The following JCAD variants were observed in gnomAD, a reference collection of about 807,000 sequenced individuals.
The protein encoded by JCAD is junctional cadherin 5 associated.
In JCAD, 40 loss-of-function variants were observed where a neutral mutation model predicts 98.0. That is an observed-to-expected ratio of 0.41 (90% CI 0.32 to 0.53). The LOEUF (loss-of-function observed/expected upper bound fraction) is 0.53, where lower values mean the gene tolerates loss of function less well. Among genes scored for constraint, JCAD ranks in the 20% least tolerant of loss-of-function variants. The probability of loss-of-function intolerance (pLI) is 0.31; values close to 1 mark genes in which losing one functional copy is unlikely to be tolerated. For missense variants in JCAD, 1,705 were observed against 1,738.1 expected (o/e 0.98, Z 0.34); for synonymous variants, 691 against 682.3 (o/e 1.01, Z -0.20).
At chr10:30,065,715 G>T (rs1837773346) in intron 2 of JCAD, among the ~76,000 whole-genome samples, 1 of 151,972 alleles carries the variant, frequency 6.6e-6, no homozygotes, top group African/African-American at 2.4e-5. Context: ...TGCCCAGTCT[G>T]GTCTTGAACT....
chr10:30,092,127 A>ATATATATATATAT (rs1589715617), intron 1 of JCAD, among the ~76,000 whole-genome samples: 2 of 80,902 alleles, frequency 2.5e-5, no homozygotes, highest in Admixed American at 1.9e-4. Flanking sequence ...TATATATATA[A>ATATATATATATAT]AAAACATTTT....
At position 30,101,757 on chromosome 10, in the gene JCAD, T is replaced by C. The variant is rs116480591; in HGVS notation, n.128+13610A>G. ...AATTTTATTTTTGGTTCATAGTCTT[T>C]TAAGCATAAAATCCTGTCATAAACA... On this transcript the variant is annotated intron_variant and non_coding_transcript_variant, in intron 1 of 2. Coordinates refer to the JCAD transcript ENST00000465712. Among the ~76,000 whole-genome samples, 483 of 152,264 alleles carry C rather than the reference T, an allele frequency of 3.2e-3. 4 individuals carry two copies. The highest frequency in any genetic ancestry group is 0.011 in the African/African-American group (462 of 41,554).
chr10:30,052,744 C>T (rs1257482983), intron 1 of JCAD, among the ~76,000 whole-genome samples: 2 of 152,074 alleles, frequency 1.3e-5, no homozygotes, highest in Non-Finnish European at 2.9e-5. Flanking sequence ...AATAAGACCC[C>T]GTCAGCACCC....
intron 1 of JCAD, among the ~76,000 whole-genome samples, chr10:30,089,513 C>CGTGTGTGTGTGTGTGTGTGTGTGTGTGT (rs58665379): frequency 7.0e-6 from 1 of 142,954 alleles, no homozygotes; most frequent in African/African-American, 2.6e-5. Flanking sequence ...ATGCTTCTTC[C>CGTGTGTGTGTGTGTGTGTGTGTGTGTGT]GTGTGTGTGT....
intron 1 of JCAD, among the ~76,000 whole-genome samples, chr10:30,079,681 A>G (rs567794874): frequency 7.9e-4 from 120 of 152,272 alleles, no homozygotes; most frequent in African/African-American, 2.9e-3. Context: ...CTACTGAAAG[A>G]CTAGAGAGCA....
Position 30,092,054 on chromosome 10 carries a change from A to T in JCAD, n.129-22233T>A, listed in dbSNP as rs1206405040. 5.9e-3 allele frequency among the ~76,000 whole-genome samples: 152 copies of T among 25,656 alleles called. 7 individuals carry two copies. Among genetic ancestry groups the T allele is most frequent in the African/African-American group, 0.022 (146 of 6,764 alleles). 16.8% of individuals were successfully genotyped at this position (25,656 alleles called of 152,430 possible). ...CACCACAAAAAAAAAAAAAAAAAAA[A>T]AAAAAAAAAAATATATATATATATA... On this transcript the variant is annotated intron_variant and non_coding_transcript_variant, in intron 1 of 2. Transcript: ENST00000465712.
chr10:30,089,513 CGTGTGTGTGT>C (rs58665379), intron 1 of JCAD, among the ~76,000 whole-genome samples: 25 of 143,032 alleles, frequency 1.7e-4, no homozygotes, highest in Admixed American at 4.9e-4. Flanking sequence ...ATGCTTCTTC[CGTGTGTGTGT>C]GTGTGTGTGT....
At chr10:30,102,885 G>T (rs1838495263) in intron 1 of JCAD, among the ~76,000 whole-genome samples, 1 of 152,182 alleles carries the variant, frequency 6.6e-6, no homozygotes, top group South Asian at 2.1e-4. Flanking sequence ...AGGCAAGAGG[G>T]CATGTGCAGG....
At chr10:30,038,546 T>C (rs1229937884) in intron 2 of JCAD, among the ~76,000 whole-genome samples, 1 of 151,080 alleles carries the variant, frequency 6.6e-6, no homozygotes, top group Non-Finnish European at 1.5e-5. Flanking sequence ...AAAAATTAGC[T>C]AGATGTGGTG....
chr10:30,080,007 A>G (rs1276485037), intron 1 of JCAD, among the ~76,000 whole-genome samples: 4 of 152,048 alleles, frequency 2.6e-5, no homozygotes, highest in Non-Finnish European at 4.4e-5. Context: ...CTCTTGGCAG[A>G]AAAAAAACTC....
At chr10:30,036,681 T>C (rs113465362) in intron 2 of JCAD, among the ~76,000 whole-genome samples, 15 of 152,312 alleles carry the variant, frequency 9.8e-5, no homozygotes, top group Non-Finnish European at 1.8e-4. Context: ...CTGGGGGTTC[T>C]GTGGGAAGTG....
chr10:30,027,809 C>G lies in JCAD; in HGVS notation c.2339G>C (p.Gly780Ala). The G allele has an allele frequency of 6.2e-7, 1 of 1,614,264 alleles. No individual in the cohort carries two copies. The highest frequency in any genetic ancestry group is 8.5e-7 in the Non-Finnish European group (1 of 1,180,046). Residue 780 changes from glycine to alanine, a missense_variant, in exon 3 of 4, where the codon GGC becomes GCC. Gly to Ala is a moderately conservative substitution (Grantham distance 60). This residue lies in a region of JCAD where 1,278 missense variants were observed against 1,243.1 expected (regional missense o/e 1.03). Transcript: ENST00000375377. ...SVDQAPTPKA[G>A]RSQPCVDVHG... ...GACATCCACGCAGGGCTGACTTCGG[C>G]CTGCTTTTGGCGTCGGTGCCTGGTC...
In JCAD at chr10:30,028,257, C is replaced by T. The variant is rs946242195; in HGVS notation, c.1891G>A (p.Asp631Asn). The T allele has an allele frequency of 6.2e-7, 1 of 1,614,158 alleles. No individual in the cohort carries two copies. The highest frequency in any genetic ancestry group is 8.5e-7 in the Non-Finnish European group (1 of 1,180,044). Residue 631 changes from aspartate (D) to asparagine (N), a missense_variant, in exon 3 of 4, where the codon GAC becomes AAC. Around this residue, in one of 3 missense-constraint regions of JCAD, gnomAD observed 1,278 missense variants for 1,243.1 expected, o/e 1.03. Coordinates refer to ENST00000375377, the MANE Select transcript of JCAD (RefSeq NM_020848.4). ...EQSLLSMSST[D>N]LELQALTGSM... ...CCTGTGAGGGCCTGCAGCTCCAGGT[C>T]GGTGGAAGACATGCTCAGCAGACTC...
chr10:30,050,085 T>C (rs1281095397), intron 1 of JCAD, among the ~76,000 whole-genome samples: 1 of 151,582 alleles, frequency 6.6e-6, no homozygotes, highest in African/African-American at 2.4e-5. Flanking sequence ...GGAGGCTAGG[T>C]GGGTGAATCA....
chr10:30,098,362 C>T (rs559772043), intron 1 of JCAD, among the ~76,000 whole-genome samples: 3 of 152,152 alleles, frequency 2.0e-5, no homozygotes, highest in Non-Finnish European at 2.9e-5. Flanking sequence ...CAGATCTCAG[C>T]TCAAGTGTGT....
intron 1 of JCAD, among the ~76,000 whole-genome samples, chr10:30,075,806 G>GA (rs1385678011): frequency 6.6e-6 from 1 of 152,144 alleles, no homozygotes; most frequent in Admixed American, 6.5e-5. Flanking sequence ...TAATATCCAT[G>GA]AAAGGGAGGA....
Position 30,028,971 on chromosome 10 carries a change from T to C in JCAD, c.1177A>G (p.Thr393Ala), listed in dbSNP as rs368268079. The change falls in exon 3 of 4, where the codon ACT becomes GCT. Residue 393 changes from threonine to alanine, a missense_variant. Coordinates refer to ENST00000375377, the MANE Select transcript of JCAD (RefSeq NM_020848.4). ...GGGCTCACACCATACTCATTCCCAG[T>C]TCCAGGGGGGCCTGAAGGAGGCTGA... ...SGQPPSGPPG[T>A]GNEYGVSPRL... The C allele has an allele frequency of 1.5e-5, 24 of 1,614,030 alleles. No individual in the cohort carries two copies. The highest frequency in any genetic ancestry group is 2.0e-5 in the Non-Finnish European group (24 of 1,180,006).
At chr10:30,032,252 G>T (rs1034238789) in intron 2 of JCAD, among the ~76,000 whole-genome samples, 1 of 152,162 alleles carries the variant, frequency 6.6e-6, no homozygotes, top group Non-Finnish European at 1.5e-5. Flanking sequence ...TTCCTTGTGA[G>T]CCTTTAAAAA....
chr10:30,030,881 CT>C (rs1198188927), intron 2 of JCAD, among the ~76,000 whole-genome samples: 1 of 151,166 alleles, frequency 6.6e-6, no homozygotes, highest in Non-Finnish European at 1.5e-5. Context: ...ACATTACAAT[CT>C]TAAGACGTGT....
Sources: gnomAD v4.1 joint callset for allele counts (sites outside exome capture counted in the v4.1 genomes callset) on GRCh38, gnomAD v4.1.1 for gene constraint, gnomAD v4.1.1 regional missense constraint, MANE v1.5 for transcripts, NCBI Gene and HGNC (gene_info 2026-07-23, HGNC 2026-07-21) for gene names.